Variants in GPSM2 observed in about 807,000 individuals in gnomAD.
GPSM2 encodes the protein G protein signaling modulator 2.
A neutral mutation model predicts 78.4 loss-of-function variants in GPSM2; 58 were observed. That is an observed-to-expected ratio of 0.74 (90% CI 0.60 to 0.92). GPSM2 has a LOEUF of 0.92. Among genes scored for constraint, GPSM2 ranks in the 40% least tolerant of loss-of-function variants. GPSM2 has a pLI of 0.00. For synonymous variants in GPSM2, 224 were observed against 280.2 expected, an observed-to-expected ratio of 0.80 and a Z score of 2.00; for missense variants, 700 against 815.5, an observed-to-expected ratio of 0.86 and a Z score of 1.73.
At chr1:108,912,298 A>G (rs1215660891) in intron 10 of GPSM2, among the ~76,000 whole-genome samples, 1 of 152,218 alleles carries the variant, frequency 6.6e-6, no homozygotes, top group Non-Finnish European at 1.5e-5. Flanking sequence ...TATAAGTAAT[A>G]AGACAGTGTG....
chr1:108,927,450 C>G (rs1034261111), intron 14 of GPSM2, among the ~76,000 whole-genome samples: 1 of 152,062 alleles, frequency 6.6e-6, no homozygotes, highest in East Asian at 1.9e-4. Flanking sequence ...GACATATAGA[C>G]CAATGGAATA....
intron 2 of GPSM2, among the ~76,000 whole-genome samples, chr1:108,896,387 G>C (rs933788506): frequency 2.0e-5 from 3 of 152,090 alleles, no homozygotes; most frequent in African/African-American, 4.8e-5. Flanking sequence ...ATGAGAGAGA[G>C]AGCGAGGGAT....
chr1:108,903,438 G>A (rs1648977004), intron 9 of GPSM2, among the ~76,000 whole-genome samples: 1 of 152,166 alleles, frequency 6.6e-6, no homozygotes, highest in Non-Finnish European at 1.5e-5. Context: ...AGGAAGACAG[G>A]AAAGTAAGGC....
Position 108,914,427 on chromosome 1 carries a change from G to A in GPSM2, c.1263+19G>A, listed in dbSNP as rs201146412. 4.0e-6 allele frequency: 6 copies of A among 1,504,120 alleles called. No homozygotes were observed. The African/African-American group carries it at 6.9e-5, about 17-fold the overall frequency. 93.2% of individuals were successfully genotyped at this position (1,504,120 alleles called of 1,614,324 possible). ...AGAAAAGGTGGGTGGCAGGTTTTAT[G>A]TTTTAAATTTCATGAACTATTATAA... On this transcript the variant is annotated intron_variant, in intron 11 of 14. Transcript: ENST00000264126.
At chr1:108,907,848 T>G (rs999286196) in intron 10 of GPSM2, among the ~76,000 whole-genome samples, 2 of 152,174 alleles carry the variant, frequency 1.3e-5, no homozygotes, top group African/African-American at 2.4e-5. Context: ...GAGTTAAGCT[T>G]AGTCACTCTG....
chr1:108,925,711 A>T (rs899535735), intron 14 of GPSM2, among the ~76,000 whole-genome samples: 8 of 152,300 alleles, frequency 5.3e-5, no homozygotes, highest in African/African-American at 1.7e-4. Flanking sequence ...GTGGGGACAA[A>T]GGATTGAGTG....
intron 1 of GPSM2, among the ~76,000 whole-genome samples, chr1:108,879,790 G>A (rs556698174): frequency 5.9e-5 from 9 of 152,146 alleles, no homozygotes; most frequent in Non-Finnish European, 1.3e-4. Flanking sequence ...ACTCCAGCCC[G>A]GGTGACAGAT....
chr1:108,885,963 A>T (rs1379166059), intron 2 of GPSM2, among the ~76,000 whole-genome samples: 2 of 152,114 alleles, frequency 1.3e-5, no homozygotes, highest in Non-Finnish European at 2.9e-5. Flanking sequence ...TTTAGACATG[A>T]ACTTTTTATT....
At chr1:108,882,142 G>A (rs1340532216) in intron 1 of GPSM2, among the ~76,000 whole-genome samples, 1 of 152,118 alleles carries the variant, frequency 6.6e-6, no homozygotes, top group African/African-American at 2.4e-5. Flanking sequence ...TGTAGAAACG[G>A]GGTCTTGTAC....
chr1:108,897,976 A>G lies in GPSM2; in HGVS notation c.432A>G (p.Ala144=), dbSNP rs1343379476. The G allele has an allele frequency of 6.2e-7, 1 of 1,614,076 alleles. No individual in the cohort carries two copies. Among genetic ancestry groups the G allele is most frequent in the Non-Finnish European group, 8.5e-7 (1 of 1,179,912 alleles). ...ELNDKVGEAR[A]LYNLGNVYHA... ...TCATTTAGGTGGGAGAAGCAAGAGC[A>G]CTTTACAATCTTGGGAATGTGTATC... Residue 144 remains alanine (A), a synonymous_variant, in exon 5 of 15, where the codon GCA becomes GCG. Coordinates refer to ENST00000264126, the MANE Select transcript of GPSM2 (RefSeq NM_013296.5).
At chr1:108,902,211 T>C (rs1266010032) in intron 8 of GPSM2, among the ~76,000 whole-genome samples, 2 of 151,984 alleles carry the variant, frequency 1.3e-5, no homozygotes, top group Non-Finnish European at 2.9e-5. Context: ...TGAAACCCCG[T>C]ATCTACTAAA....
At chr1:108,914,578 G>A (rs953111232) in intron 11 of GPSM2, among the ~76,000 whole-genome samples, 170 bp downstream of exon 11, 5 of 152,148 alleles carry the variant, frequency 3.3e-5, no homozygotes, top group South Asian at 4.1e-4. Context: ...AATGAGTACC[G>A]TATGCTGCCA....
intron 12 of GPSM2, among the ~76,000 whole-genome samples, chr1:108,920,120 TTGCGCCAC>T (rs1421356712): frequency 4.0e-5 from 6 of 151,780 alleles, no homozygotes; most frequent in Non-Finnish European, 8.8e-5. Context: ...TGAGCTGAGA[TTGCGCCAC>T]TGCACTCCAA....
chr1:108,891,750 C>A (rs116369874), intron 2 of GPSM2, among the ~76,000 whole-genome samples: 1,993 of 149,530 alleles, frequency 0.013, 29 homozygotes, highest in South Asian at 0.057. Context: ...AGCGATCCAC[C>A]CCCCCTTAGC....
intron 9 of GPSM2, 88 bp from the exon 10 acceptor site, chr1:108,904,037 C>A: frequency 1.2e-6 from 1 of 855,354 alleles, no homozygotes. Context: ...ATATTTTCTT[C>A]TAGTTTTAGG....
At position 108,934,443 on chromosome 1, in the gene GPSM2, T is replaced by C. The variant is rs921676741; in HGVS notation, c.*4503T>C. On this transcript the variant is annotated 3_prime_UTR_variant, in exon 15 of 15. Coordinates refer to ENST00000264126, the MANE Select transcript of GPSM2 (RefSeq NM_013296.5). ...CTTAAAATAAACACTTCTTACTTTA[T>C]GGGATGTAAATATCAAAGAGAAGAT... is the stretch of plus-strand genomic sequence containing the variant. 1.9e-6 allele frequency: 1 copy of C among 517,970 alleles called. No individual in the cohort carries two copies. The highest frequency in any genetic ancestry group is 3.4e-6 in the Non-Finnish European group (1 of 297,392). 32.1% of individuals were successfully genotyped at this position (517,970 alleles called of 1,614,324 possible).
At chr1:108,902,511 T>C (rs1335496204) in intron 8 of GPSM2, among the ~76,000 whole-genome samples, 8 of 151,796 alleles carry the variant, frequency 5.3e-5, no homozygotes, top group Non-Finnish European at 1.2e-4. Context: ...GGAATGAAAA[T>C]CCGTTATGTC....
At chr1:108,911,534 C>G (rs1198952528) in intron 10 of GPSM2, among the ~76,000 whole-genome samples, 1 of 152,046 alleles carries the variant, frequency 6.6e-6, no homozygotes, top group Non-Finnish European at 1.5e-5. Context: ...CTCAGAAAAA[C>G]AAAAACACAA....
chr1:108,899,516 T>G (rs1183040536), intron 7 of GPSM2, among the ~76,000 whole-genome samples: 1 of 152,210 alleles, frequency 6.6e-6, no homozygotes, highest in Non-Finnish European at 1.5e-5. Flanking sequence ...TCTGCCTATA[T>G]TTGACTGTCA....
Sources: gnomAD v4.1 joint callset for allele counts (sites outside exome capture counted in the v4.1 genomes callset) on GRCh38, gnomAD v4.1.1 for gene constraint, MANE v1.5 for transcripts, NCBI Gene and HGNC (gene_info 2026-07-23, HGNC 2026-07-21) for gene names.